RNF8: variants seen among roughly 807,000 people sequenced by gnomAD.
RNF8 encodes E3 ubiquitin-protein ligase RNF8.
Under a neutral mutation model 59.3 loss-of-function variants are expected in RNF8, and 8 were observed. That is an observed-to-expected ratio of 0.13 (90% confidence interval 0.08 to 0.24). The LOEUF (loss-of-function observed/expected upper bound fraction) is 0.24, where lower values mean the gene tolerates loss of function less well. Among genes scored for constraint, RNF8 ranks in the 10% least tolerant of loss-of-function variants. The pLI, the probability that RNF8 is intolerant of heterozygous loss-of-function variation, is 1.00. For missense variants in RNF8, 406 were observed against 572.6 expected (o/e 0.71, Z 2.97); for synonymous variants, 162 against 200.0 (o/e 0.81, Z 1.60).
At chr6:37,385,546 G>GGT (rs1011405270) in intron 7 of RNF8, among the ~76,000 whole-genome samples, 13 of 151,848 alleles carry the variant, frequency 8.6e-5, no homozygotes, top group Admixed American at 7.2e-4. Flanking sequence ...AGTATTGCTT[G>GGT]AACCTGGGAG....
intron 7 of RNF8, among the ~76,000 whole-genome samples, chr6:37,390,278 A>G (rs1770672065): frequency 6.6e-6 from 1 of 151,810 alleles, no homozygotes; most frequent in South Asian, 2.1e-4. Flanking sequence ...CAAGAAGGGG[A>G]GAAGGGGTGA....
intron 7 of RNF8, 106 bp downstream of exon 7, chr6:37,381,460 C>T (rs1770258420): frequency 1.0e-6 from 1 of 961,526 alleles, no homozygotes; most frequent in Non-Finnish European, 1.6e-6. Context: ...AATTCTTGAA[C>T]TAGGGAAGAG....
intron 7 of RNF8, among the ~76,000 whole-genome samples, chr6:37,383,865 C>T (rs1272759787): frequency 1.3e-5 from 2 of 152,180 alleles, no homozygotes; most frequent in South Asian, 2.1e-4. Flanking sequence ...TTGAAATCCC[C>T]TATAGAGTAT....
In RNF8 at chr6:37,385,499, C is replaced by T. The variant is rs940007528; in HGVS notation, c.1441+4145C>T. ...AAAATTAGCCGGGCGTGGTGGTGCACACCTGTAATCCCAGCTACTCAGGAG... is the reference window on the plus strand; with the variant it reads ...AAAATTAGCCGGGCGTGGTGGTGCATACCTGTAATCCCAGCTACTCAGGAG... On this transcript the variant is annotated intron_variant, in intron 7 of 7. Coordinates refer to ENST00000373479, the MANE Select transcript of RNF8 (RefSeq NM_003958.4). Among the ~76,000 whole-genome samples, 28 of 151,760 alleles carry T rather than the reference C, an allele frequency of 1.8e-4. No individual in the cohort carries two copies. In the East Asian group the frequency reaches 4.4e-3, roughly 24 times the overall value.
intron 2 of RNF8, among the ~76,000 whole-genome samples, chr6:37,364,926 C>T (rs544054896): frequency 2.0e-5 from 3 of 152,222 alleles, no homozygotes; most frequent in South Asian, 2.1e-4. Flanking sequence ...TGCGGCACCA[C>T]GCCTGGCTAA....
Position 37,381,345 on chromosome 6 carries a change from G to A in RNF8, c.1432G>A (p.Glu478Lys), listed in dbSNP as rs951265463. 1.9e-6 allele frequency: 3 copies of A among 1,613,952 alleles called. No individual in the cohort carries two copies. The highest frequency in any genetic ancestry group is 2.5e-6 in the Non-Finnish European group (3 of 1,179,878). Reference sequence around the variant, plus strand: ...AGAACGACGAATTGTTCTCATTAGGGAACGAAAAGGTGAGTGGGTGTGAGA... The same window carrying A: ...AGAACGACGAATTGTTCTCATTAGGAAACGAAAAGGTGAGTGGGTGTGAGA... ...VKERRIVLIR[E>K]RKAKRLF The change falls in exon 7 of 8, where the codon GAA becomes AAA. Residue 478 changes from glutamate to lysine, a missense_variant. Physicochemically the swap from Glu to Lys is moderately conservative, Grantham distance 56. This residue lies in a region of RNF8 where 59 missense variants were observed against 118.5 expected (regional missense o/e 0.50). Coordinates refer to ENST00000373479, the MANE Select transcript of RNF8 (RefSeq NM_003958.4).
chr6:37,390,300 TTGGCAATTCTTGA>T (rs1240293179), intron 7 of RNF8, among the ~76,000 whole-genome samples: 2 of 152,206 alleles, frequency 1.3e-5, no homozygotes, highest in Non-Finnish European at 2.9e-5. Flanking sequence ...GGTGAAAGCC[TTGGCAATTCTTGA>T]TAGGGTAATC....
intron 1 of RNF8, among the ~76,000 whole-genome samples, chr6:37,359,610 T>A (rs1217640069): frequency 2.0e-5 from 3 of 152,080 alleles, no homozygotes; most frequent in Non-Finnish European, 4.4e-5. Context: ...TTCCATCCAG[T>A]CAAGTATAGA....
intron 2 of RNF8, among the ~76,000 whole-genome samples, chr6:37,367,474 G>A (rs1769606991): frequency 6.6e-6 from 1 of 152,150 alleles, no homozygotes; most frequent in African/African-American, 2.4e-5. Flanking sequence ...TGCAATCTTG[G>A]CTCACGGCAT....
intron 7 of RNF8, among the ~76,000 whole-genome samples, chr6:37,390,206 C>T (rs1770669283): frequency 2.6e-5 from 4 of 152,158 alleles, no homozygotes. Flanking sequence ...GTTCTAGATG[C>T]TGAGAATGTA....
intron 3 of RNF8, 22 bp downstream of exon 3, chr6:37,369,240 C>A: frequency 6.3e-7 from 1 of 1,578,150 alleles, no homozygotes; most frequent in Non-Finnish European, 8.6e-7. Context: ...AAGGGAAGGG[C>A]AAGAGTGGTC....
chr6:37,354,832 G>A (rs1187620535), intron 1 of RNF8, among the ~76,000 whole-genome samples: 1 of 152,226 alleles, frequency 6.6e-6, no homozygotes, highest in Non-Finnish European at 1.5e-5. Context: ...GGCAGGGCCC[G>A]GCGCCTGAAC....
intron 2 of RNF8, among the ~76,000 whole-genome samples, chr6:37,367,762 C>G (rs993671475): frequency 6.6e-6 from 1 of 152,166 alleles, no homozygotes; most frequent in East Asian, 1.9e-4. Context: ...GATTTACATG[C>G]ATTATCTTAT....
chr6:37,357,916 A>C (rs989603), intron 1 of RNF8, among the ~76,000 whole-genome samples: 5,268 of 152,322 alleles, frequency 0.035, 235 homozygotes, highest in East Asian at 0.11. Context: ...GTCCCTGCTT[A>C]TCTAATTTAT....
chr6:37,377,058 CTTCTTTTTTTT>C, intron 6 of RNF8, 25 bp downstream of exon 6: 3 of 692,136 alleles, frequency 4.3e-6, no homozygotes, highest in East Asian at 3.1e-5. Flanking sequence ...TTGCTCACCC[CTTCTTTTTTTT>C]TTTTTTTTTT....
chr6:37,394,692 C>T lies in RNF8; in HGVS notation c.*3934C>T, dbSNP rs563981871. 3 of 152,090 alleles carry T rather than the reference C, an allele frequency of 2.0e-5. No individual in the cohort carries two copies. The highest frequency in any genetic ancestry group is 7.2e-5 in the African/African-American group (3 of 41,382). The allele number at this position is 152,090 out of a possible 1,614,324, so 9.4% of individuals were successfully genotyped here. A position where few individuals can be genotyped will look rare whatever the true frequency, so the allele number is the denominator to read the frequency against. ...ACTTCAACCTGCTGTGATTTGGGGC[C>T]GTTTGTACTCTGCATGTATTCAATA... On this transcript the variant is annotated 3_prime_UTR_variant, in exon 8 of 8. Transcript: ENST00000373479.
At chr6:37,375,879 T>C (rs1479088853) in intron 5 of RNF8, among the ~76,000 whole-genome samples, 2 of 152,214 alleles carry the variant, frequency 1.3e-5, no homozygotes, top group African/African-American at 4.8e-5. Flanking sequence ...AAATGTCTGC[T>C]TCAAGAGAGC....
chr6:37,360,553 A>T lies in RNF8; in HGVS notation c.219A>T (p.Gln73His). The part of the protein sequence containing the change: ...HCVLKQNPEG[Q>H]WTIMDNKSLN... ...TTTTGAAGCAGAATCCTGAGGGCCA[A>T]TGGACAATTATGGACAACAAGGTAC... The change falls in exon 2 of 8, where the codon CAA becomes CAT. Residue 73 changes from glutamine to histidine, a missense_variant. By Grantham distance (24) the Gln-to-His change is conservative (BLOSUM62 0). Coordinates refer to ENST00000373479, the MANE Select transcript of RNF8 (RefSeq NM_003958.4). The surrounding 1 kb of genome is among the most constrained non-coding windows in gnomAD (Gnocchi z 4.2). The T allele has an allele frequency of 7.4e-6, 12 of 1,613,968 alleles. No homozygotes were observed. The highest frequency in any genetic ancestry group is 9.3e-6 in the Non-Finnish European group (11 of 1,179,924).
At chr6:37,388,801 C>T (rs1770611659) in intron 7 of RNF8, among the ~76,000 whole-genome samples, 1 of 151,920 alleles carries the variant, frequency 6.6e-6, no homozygotes, top group African/African-American at 2.4e-5. Context: ...GGCATGATGG[C>T]ATATGCCTGT....
Sources: allele counts gnomAD v4.1 joint callset (sites outside exome capture counted in the v4.1 genomes callset), GRCh38; gene constraint gnomAD v4.1.1; regional missense constraint gnomAD v4.1.1; non-coding constraint Gnocchi (gnomAD v3.1); transcripts MANE v1.5; gene names NCBI Gene and HGNC (gene_info 2026-07-23, HGNC 2026-07-21).